Variants in TRPM7 observed in about 807,000 individuals in gnomAD.
TRPM7 encodes transient receptor potential cation channel subfamily M member 7, also known as LTRPC ion channel family member 7.
Under a neutral mutation model 229.7 loss-of-function variants are expected in TRPM7, and 134 were observed. That is an observed-to-expected ratio of 0.58 (90% CI 0.51 to 0.67). The LOEUF (loss-of-function observed/expected upper bound fraction) is 0.67, where lower values mean the gene tolerates loss of function less well. Ranked by LOEUF, TRPM7 falls within the 30% of genes least tolerant of loss-of-function variation. The pLI, the probability that TRPM7 is intolerant of heterozygous loss-of-function variation, is 0.00. For synonymous variants in TRPM7, 699 were observed against 715.2 expected (o/e 0.98, Z 0.36); for missense variants, 1,901 against 2,210.0 (o/e 0.86, Z 2.80).
intron 36 of TRPM7, among the ~76,000 whole-genome samples, 183 bp from the exon 37 acceptor site, chr15:50,570,338 G>C (rs1449989277): frequency 1.3e-5 from 2 of 152,082 alleles, no homozygotes; most frequent in Admixed American, 6.6e-5. Context: ...TTATGACTCT[G>C]GCATTCTACC....
intron 1 of TRPM7, among the ~76,000 whole-genome samples, chr15:50,667,469 G>A (rs1243186540): frequency 6.6e-6 from 1 of 152,198 alleles, no homozygotes; most frequent in African/African-American, 2.4e-5. Context: ...ACTTTGGGAG[G>A]CCAAGGTGGG....
chr15:50,665,028 T>C (rs2061844512), intron 1 of TRPM7, among the ~76,000 whole-genome samples: 1 of 152,206 alleles, frequency 6.6e-6, no homozygotes, highest in Admixed American at 6.5e-5. Context: ...ACAAGCTTCA[T>C]TTAATAAATA....
chr15:50,570,098 T>A lies in TRPM7; in HGVS notation c.5360+6A>T. The A allele has an allele frequency of 6.2e-7, 1 of 1,610,270 alleles. No individual in the cohort carries two copies. The highest frequency in any genetic ancestry group is 8.5e-7 in the Non-Finnish European group (1 of 1,178,180). ...ATGCCTTAATGAAATAGTTAAAACTTATTACCTCTTTTCTTCTGCTTTTAT... is the reference window on the plus strand; with the variant it reads ...ATGCCTTAATGAAATAGTTAAAACTAATTACCTCTTTTCTTCTGCTTTTAT... On this transcript the variant is annotated splice_donor_region_variant and intron_variant, in intron 37 of 38. Coordinates refer to ENST00000646667, the MANE Select transcript of TRPM7 (RefSeq NM_017672.6).
rs530967344 is a variant in TRPM7 at position 50,589,479 on chromosome 15, G to A, written c.4389+113C>T. ...AAATATTTGGTATCAGCATGTTAAT[G>A]ATATCTGCTAAAACTGTATTTTTGC... On this transcript the variant is annotated intron_variant, in intron 27 of 38. Coordinates refer to ENST00000646667, the MANE Select transcript of TRPM7 (RefSeq NM_017672.6). 8 of 697,658 alleles carry A rather than the reference G, an allele frequency of 1.1e-5. No homozygotes were observed. The Admixed American group carries it at 2.0e-4, about 17-fold the overall frequency. The allele number at this position is 697,658 out of a possible 1,614,324, so 43.2% of individuals were successfully genotyped here.
intron 2 of TRPM7, among the ~76,000 whole-genome samples, chr15:50,660,978 C>CT (rs763937583): frequency 0.038 from 5,374 of 142,636 alleles, 301 homozygotes; most frequent in African/African-American, 0.13. Flanking sequence ...ACTACCATTC[C>CT]TTTTTTTTTT....
chr15:50,570,853 C>CA (rs370802173), intron 36 of TRPM7, among the ~76,000 whole-genome samples: 11,815 of 134,652 alleles, frequency 0.088, 1,578 homozygotes, highest in African/African-American at 0.3. Context: ...AAATTCGTCT[C>CA]AAAAAAAAAA....
At position 50,561,550 on chromosome 15, in the gene TRPM7, G is replaced by A; in HGVS notation, c.*128C>T. On this transcript the variant is annotated 3_prime_UTR_variant, in exon 39 of 39. Coordinates refer to ENST00000646667, the MANE Select transcript of TRPM7 (RefSeq NM_017672.6). ...AAAAGAATATTGACCTTTTAACTGT[G>A]CTGGAGTCAGCAAATTCAACTTGCA... The A allele has an allele frequency of 9.8e-7, 1 of 1,020,990 alleles. No individual in the cohort carries two copies. The highest frequency in any genetic ancestry group is 1.5e-5 in the South Asian group (1 of 64,538). 63.2% of individuals were successfully genotyped at this position (1,020,990 alleles called of 1,614,324 possible). A position where few individuals can be genotyped will look rare whatever the true frequency, so the allele number is the denominator to read the frequency against.
intron 2 of TRPM7, 56 bp from the exon 3 acceptor site, chr15:50,657,875 A>G (rs2061617320): frequency 7.0e-7 from 1 of 1,433,204 alleles, no homozygotes; most frequent in Non-Finnish European, 9.7e-7. Flanking sequence ...TTCTGATTTT[A>G]AAGTATATAA....
chr15:50,617,443 C>T (rs2060259127), intron 13 of TRPM7, among the ~76,000 whole-genome samples: 1 of 151,468 alleles, frequency 6.6e-6, no homozygotes, highest in South Asian at 2.1e-4. Flanking sequence ...GCAGAGGTTG[C>T]AGTGAGCCGA....
At chr15:50,636,983 G>A (rs751496285) in intron 7 of TRPM7, among the ~76,000 whole-genome samples, 15 of 152,042 alleles carry the variant, frequency 9.9e-5, no homozygotes, top group Non-Finnish European at 1.3e-4. Context: ...CAAATTAGCT[G>A]GGCATGGTAG....
At chr15:50,583,032 T>C (rs901884765) in intron 29 of TRPM7, 57 bp downstream of exon 29, 2 of 1,249,318 alleles carry the variant, frequency 1.6e-6, no homozygotes, top group Non-Finnish European at 1.1e-6. Context: ...GTAGATCTTA[T>C]CTAAAAAAGT....
At chr15:50,640,890 G>A (rs922294469) in intron 5 of TRPM7, among the ~76,000 whole-genome samples, 3 of 152,072 alleles carry the variant, frequency 2.0e-5, no homozygotes, top group Admixed American at 1.3e-4. Context: ...AAAGAGAGAG[G>A]CCCCAAGATA....
chr15:50,615,294 T>C (rs2140501576), intron 13 of TRPM7, among the ~76,000 whole-genome samples: 1 of 152,174 alleles, frequency 6.6e-6, no homozygotes, highest in Admixed American at 6.5e-5. Context: ...GTTTCCAGAC[T>C]GGCCCAGAAA....
intron 1 of TRPM7, among the ~76,000 whole-genome samples, chr15:50,682,835 T>C (rs948793181): frequency 6.6e-6 from 1 of 152,012 alleles, no homozygotes; most frequent in Non-Finnish European, 1.5e-5. Context: ...AAAATCCCCA[T>C]AGTCAAGTAA....
intron 24 of TRPM7, among the ~76,000 whole-genome samples, chr15:50,593,950 C>G (rs955365170): frequency 1.3e-5 from 2 of 152,196 alleles, no homozygotes; most frequent in African/African-American, 2.4e-5. Flanking sequence ...AGAATACAAT[C>G]AGGTACTTCC....
chr15:50,610,072 A>G (rs909235656), intron 17 of TRPM7, 111 bp from the exon 18 acceptor site: 2 of 855,228 alleles, frequency 2.3e-6, no homozygotes, highest in African/African-American at 3.4e-5. Flanking sequence ...TCTTGTGATT[A>G]GCCATTTTGC....
intron 10 of TRPM7, among the ~76,000 whole-genome samples, chr15:50,629,878 T>TTC (rs1205400082): frequency 4.8e-5 from 7 of 144,562 alleles, no homozygotes; most frequent in Non-Finnish European, 1.1e-4. Flanking sequence ...TTTTTTTTTT[T>TTC]TTGGAGACAG....
At position 50,583,172 on chromosome 15, in the gene TRPM7, TAAAAAATATA is replaced by T; in HGVS notation, c.4487-23_4487-14del. On this transcript the variant is annotated splice_polypyrimidine_tract_variant and intron_variant, in intron 28 of 38. Transcript: ENST00000646667. ...CTGATTTTTTCTGCTAAAAGAAAAT[TAAAAAATATA>T]AAAAAGCTACACAACTGAAGTTTTA... 1.9e-6 allele frequency: 3 copies of T among 1,573,270 alleles called. No individual in the cohort carries two copies. Among genetic ancestry groups the T allele is most frequent in the Non-Finnish European group, 2.6e-6 (3 of 1,155,648 alleles).
intron 19 of TRPM7, among the ~76,000 whole-genome samples, chr15:50,608,052 CAAA>C (rs570861548): frequency 1.0e-4 from 8 of 76,266 alleles, no homozygotes; most frequent in Admixed American, 1.4e-4. Flanking sequence ...GAGACTCTGT[CAAA>C]AAAAAAAAAA....
Sources: allele counts gnomAD v4.1 joint callset (sites outside exome capture counted in the v4.1 genomes callset), GRCh38; gene constraint gnomAD v4.1.1; transcripts MANE v1.5; gene names NCBI Gene and HGNC (gene_info 2026-07-23, HGNC 2026-07-21).